PTPRM: variants seen among roughly 807,000 people sequenced by gnomAD.
PTPRM encodes receptor-type tyrosine-protein phosphatase mu.
PTPRM carries 47 observed loss-of-function variants against 186.7 expected under a neutral mutation model. That is an observed-to-expected ratio of 0.25 (90% confidence interval 0.20 to 0.32). The LOEUF (loss-of-function observed/expected upper bound fraction) is 0.32. Among genes scored for constraint, PTPRM ranks in the 10% least tolerant of loss-of-function variants. The pLI, the probability that PTPRM is intolerant of heterozygous loss-of-function variation, is 1.00. For missense variants in PTPRM, 1,494 were observed against 1,865.0 expected, an observed-to-expected ratio of 0.80 and a Z score of 3.66; for synonymous variants, 668 against 674.9, an observed-to-expected ratio of 0.99 and a Z score of 0.16.
chr18:8,385,588 G>A (rs1374189091), intron 30 of PTPRM, among the ~76,000 whole-genome samples: 6 of 152,180 alleles, frequency 3.9e-5, no homozygotes, highest in African/African-American at 7.2e-5. Context: ...GCAAGGAGGC[G>A]GCATGGCCCA....
intron 2 of PTPRM, among the ~76,000 whole-genome samples, chr18:7,819,844 C>T (rs748113830): frequency 2.0e-5 from 3 of 152,126 alleles, no homozygotes; most frequent in Non-Finnish European, 4.4e-5. Context: ...ATACCACCAT[C>T]GCATGTCCTA....
At chr18:7,587,147 T>G (rs2036999416) in intron 1 of PTPRM, among the ~76,000 whole-genome samples, 1 of 152,166 alleles carries the variant, frequency 6.6e-6, no homozygotes, top group Admixed American at 6.5e-5. Flanking sequence ...TTTATGTAGT[T>G]GAATTATCAC....
chr18:8,234,520 A>G (rs944715817), intron 14 of PTPRM, among the ~76,000 whole-genome samples: 2 of 152,270 alleles, frequency 1.3e-5, no homozygotes, highest in Admixed American at 1.3e-4. Context: ...CAGTCATGTC[A>G]TCTGTGAACA....
At chr18:8,010,380 C>G (rs147789809) in intron 7 of PTPRM, among the ~76,000 whole-genome samples, 1 of 152,248 alleles carries the variant, frequency 6.6e-6, no homozygotes, top group East Asian at 1.9e-4. Context: ...CATACTATTT[C>G]CATTTATGAA....
intron 1 of PTPRM, among the ~76,000 whole-genome samples, chr18:7,698,353 T>G (rs2144690229): frequency 6.6e-6 from 1 of 152,316 alleles, no homozygotes; most frequent in East Asian, 1.9e-4. Context: ...AGAAATACCA[T>G]TTGGCTCAAT....
chr18:7,688,248 C>T (rs1057433441), intron 1 of PTPRM, among the ~76,000 whole-genome samples: 6 of 152,086 alleles, frequency 3.9e-5, no homozygotes, highest in African/African-American at 1.4e-4. Context: ...AAATGGGGAG[C>T]AGGATTTGTT....
chr18:8,093,819 C>T (rs537345010), intron 11 of PTPRM, among the ~76,000 whole-genome samples: 4 of 152,290 alleles, frequency 2.6e-5, no homozygotes, highest in African/African-American at 9.6e-5. Flanking sequence ...CACTTGGCAA[C>T]ATAGTAAATT....
intron 1 of PTPRM, among the ~76,000 whole-genome samples, chr18:7,597,400 A>G (rs1005765722): frequency 1.3e-5 from 2 of 152,132 alleles, no homozygotes; most frequent in Admixed American, 1.3e-4. Context: ...TTTCGGATCA[A>G]TATTGTCATG....
intron 1 of PTPRM, among the ~76,000 whole-genome samples, chr18:7,601,442 C>G (rs1294014731): frequency 6.6e-6 from 1 of 152,226 alleles, no homozygotes; most frequent in African/African-American, 2.4e-5. Context: ...GAGGCCAGGT[C>G]TGGAGTCAAG....
At chr18:7,776,865 A>G (rs1054894073) in intron 2 of PTPRM, among the ~76,000 whole-genome samples, 22 of 152,356 alleles carry the variant, frequency 1.4e-4, no homozygotes, top group Admixed American at 9.8e-4. Flanking sequence ...AGGAAACAGC[A>G]TCTTATAAAC....
chr18:7,999,403 T>A (rs1462117091), intron 7 of PTPRM, among the ~76,000 whole-genome samples: 2 of 151,840 alleles, frequency 1.3e-5, no homozygotes, highest in African/African-American at 4.8e-5. Flanking sequence ...ACCATAAGAG[T>A]CAAGTCAATG....
intron 2 of PTPRM, among the ~76,000 whole-genome samples, chr18:7,842,656 A>T (rs2046380406): frequency 6.6e-6 from 1 of 151,936 alleles, no homozygotes; most frequent in Non-Finnish European, 1.5e-5. Flanking sequence ...TTTCCTAAGG[A>T]AGAAGGAATT....
chr18:7,609,539 A>T (rs1401770754), intron 1 of PTPRM, among the ~76,000 whole-genome samples: 7 of 133,926 alleles, frequency 5.2e-5, no homozygotes, highest in Admixed American at 7.5e-5. Context: ...TTTTTTTTTT[A>T]AAGGCAAGCC....
At chr18:8,096,773 C>G (rs907768592) in intron 11 of PTPRM, among the ~76,000 whole-genome samples, 3 of 152,186 alleles carry the variant, frequency 2.0e-5, no homozygotes, top group African/African-American at 4.8e-5. Context: ...GGCTGATAGC[C>G]TTTCTTGGAG....
At chr18:8,288,559 G>T (rs73396012) in intron 19 of PTPRM, among the ~76,000 whole-genome samples, 2 of 152,166 alleles carry the variant, frequency 1.3e-5, no homozygotes, top group Non-Finnish European at 2.9e-5. Flanking sequence ...CTTATTCTGC[G>T]TCAGTCTCTA....
chr18:7,696,934 C>A (rs927146258), intron 1 of PTPRM, among the ~76,000 whole-genome samples: 7 of 152,008 alleles, frequency 4.6e-5, no homozygotes, highest in Non-Finnish European at 5.9e-5. Context: ...CTTTACTGTG[C>A]GGGCTTTATG....
At position 7,669,915 on chromosome 18, in the gene PTPRM, T is replaced by C. The variant is rs1461345855; in HGVS notation, c.73+102024T>C. Among the ~76,000 whole-genome samples, 3 of 152,060 alleles carry C rather than the reference T, an allele frequency of 2.0e-5. No individual in the cohort carries two copies. In the East Asian group the frequency reaches 5.8e-4, roughly 29 times the overall value. The stretch of plus-strand genomic sequence containing the variant: ...TTTTTCTTTTTCTTTTTTTCTTTTT[T>C]GTATTTTTAGTAGAGAAAGGGTTTC... On this transcript the variant is annotated intron_variant, in intron 1 of 32. Coordinates refer to ENST00000580170, the MANE Select transcript of PTPRM (RefSeq NM_001105244.2).
intron 31 of PTPRM, among the ~76,000 whole-genome samples, chr18:8,388,524 C>T (rs1038071041): frequency 6.6e-6 from 1 of 152,210 alleles, no homozygotes; most frequent in Non-Finnish European, 1.5e-5. Flanking sequence ...ACTGATATTC[C>T]TTTGGAAGGA....
At chr18:8,091,468 A>C (rs1357453048) in intron 11 of PTPRM, among the ~76,000 whole-genome samples, 1 of 152,174 alleles carries the variant, frequency 6.6e-6, no homozygotes, top group Non-Finnish European at 1.5e-5. Context: ...TTCAGTAAGC[A>C]TTATGGGGAA....
Sources: gnomAD v4.1 joint callset for allele counts (sites outside exome capture counted in the v4.1 genomes callset) on GRCh38, gnomAD v4.1.1 for gene constraint, MANE v1.5 for transcripts, NCBI Gene and HGNC (gene_info 2026-07-23, HGNC 2026-07-21) for gene names.